CSMD1: variants seen among roughly 807,000 people sequenced by gnomAD.
The protein encoded by CSMD1 is CUB and sushi domain-containing protein 1.
A neutral mutation model predicts 417.5 loss-of-function variants in CSMD1; 213 were observed. The ratio of observed to expected loss-of-function variants is 0.51; its 90% confidence interval spans 0.46 to 0.57. The LOEUF is 0.57. CSMD1 is among the 20% of genes least tolerant of loss of function. The pLI is 0.00. For missense variants in CSMD1, 6,923 were observed against 4,529.7 expected (o/e 1.53, Z -15.17); for synonymous variants, 2,862 against 1,736.8 (o/e 1.65, Z -16.11).
rs1336001589 is a variant in CSMD1 at position 4,660,398 on chromosome 8, A to G, written c.86-22840T>C. 2.0e-5 allele frequency among the ~76,000 whole-genome samples: 3 copies of G among 152,142 alleles called. No homozygotes were observed. The South Asian group carries it at 6.2e-4, about 31-fold the overall frequency. On this transcript the variant is annotated intron_variant, in intron 1 of 69. Coordinates refer to ENST00000635120, the MANE Select transcript of CSMD1 (RefSeq NM_033225.6). ...CCAGAAAACACGAAAGTAATGATTA[A>G]GCAAGATACCATGTCAGAAAAGTAA... is the stretch of plus-strand genomic sequence containing the variant.
At chr8:3,221,485 T>A (rs1328992189) in intron 28 of CSMD1, among the ~76,000 whole-genome samples, 4 of 152,124 alleles carry the variant, frequency 2.6e-5, no homozygotes, top group Non-Finnish European at 4.4e-5. Context: ...TTAATTATCA[T>A]TATTGGTAAT....
At chr8:4,095,509 G>T (rs762777346) in intron 3 of CSMD1, among the ~76,000 whole-genome samples, 1 of 152,206 alleles carries the variant, frequency 6.6e-6, no homozygotes, top group African/African-American at 2.4e-5. Flanking sequence ...GAAGTGGAAA[G>T]AATGTCCCCA....
intron 53 of CSMD1, 27 bp from the exon 54 acceptor site, chr8:2,998,211 G>A (rs1317497461): frequency 6.2e-7 from 1 of 1,609,776 alleles, no homozygotes; most frequent in Non-Finnish European, 8.5e-7. Context: ...CAACGTCATT[G>A]TTAAATATTG....
chr8:4,248,048 C>T (rs1802817872), intron 3 of CSMD1, among the ~76,000 whole-genome samples: 1 of 152,102 alleles, frequency 6.6e-6, no homozygotes, highest in Non-Finnish European at 1.5e-5. Context: ...TATTTATGAT[C>T]ATTTGAATGA....
At chr8:4,873,613 T>C (rs1396002234) in intron 1 of CSMD1, among the ~76,000 whole-genome samples, 2 of 152,142 alleles carry the variant, frequency 1.3e-5, no homozygotes, top group African/African-American at 4.8e-5. Context: ...GAAATCTAAT[T>C]AAGCAATCGA....
At chr8:4,412,187 C>A (rs1243371573) in intron 3 of CSMD1, among the ~76,000 whole-genome samples, 1 of 152,126 alleles carries the variant, frequency 6.6e-6, no homozygotes, top group Admixed American at 6.5e-5. Flanking sequence ...TGTCAACGTG[C>A]AAACCTCATG....
At chr8:4,451,447 A>C (rs1006583) in intron 2 of CSMD1, among the ~76,000 whole-genome samples, 34,225 of 152,140 alleles carry the variant, frequency 0.22, 4,414 homozygotes, top group African/African-American at 0.35. Context: ...AGAAAAGCTT[A>C]TCACTCTCAT....
intron 3 of CSMD1, among the ~76,000 whole-genome samples, chr8:4,224,565 G>A (rs79816983): frequency 1.4e-3 from 210 of 152,260 alleles, no homozygotes; most frequent in African/African-American, 4.9e-3. Context: ...GAAGTCCCAC[G>A]GTGCTTCAGT....
At position 4,147,755 on chromosome 8, in the gene CSMD1, G is replaced by C. The variant is rs914747672; in HGVS notation, c.416-115656C>G. On this transcript the variant is annotated intron_variant, in intron 3 of 69. Transcript: ENST00000635120. The stretch of plus-strand genomic sequence containing the variant: ...CACCTAGGTTAACAACCCCCGGCAA[G>C]CCATGGACTTGCCATGTGAGATCAG... Among the ~76,000 whole-genome samples, 5 of 152,062 alleles carry C rather than the reference G, an allele frequency of 3.3e-5. No homozygotes were observed. The East Asian group carries it at 9.7e-4, about 29-fold the overall frequency.
chr8:3,678,533 T>C (rs973682581), intron 7 of CSMD1, among the ~76,000 whole-genome samples: 4 of 152,116 alleles, frequency 2.6e-5, no homozygotes, highest in African/African-American at 9.7e-5. Flanking sequence ...AATATGGGAC[T>C]ATGTGAAAAG....
intron 2 of CSMD1, among the ~76,000 whole-genome samples, chr8:4,628,437 CACATAT>C (rs1419457706): frequency 1.6e-5 from 1 of 61,212 alleles, no homozygotes; most frequent in Non-Finnish European, 3.8e-5. Flanking sequence ...TACACATATA[CACATAT>C]ATACACATAT....
chr8:2,971,049 T>C (rs2128931792), intron 57 of CSMD1, among the ~76,000 whole-genome samples: 1 of 152,328 alleles, frequency 6.6e-6, no homozygotes, highest in South Asian at 2.1e-4. Flanking sequence ...ACATGACAAC[T>C]CTTTAGAGTT....
At chr8:4,466,072 G>C (rs1237018263) in intron 2 of CSMD1, among the ~76,000 whole-genome samples, 1 of 152,188 alleles carries the variant, frequency 6.6e-6, no homozygotes, top group Non-Finnish European at 1.5e-5. Context: ...AGTCAAACAA[G>C]TTATGGAGAG....
At chr8:3,459,600 A>G (rs1816371805) in intron 12 of CSMD1, among the ~76,000 whole-genome samples, 1 of 152,116 alleles carries the variant, frequency 6.6e-6, no homozygotes, top group Non-Finnish European at 1.5e-5. Flanking sequence ...AATTCAACCA[A>G]TAGCAGCAGA....
chr8:3,710,941 G>A (rs1801473766), intron 6 of CSMD1, among the ~76,000 whole-genome samples: 2 of 152,156 alleles, frequency 1.3e-5, no homozygotes, highest in Non-Finnish European at 2.9e-5. Context: ...CTGGAAGGAG[G>A]AGGGTGAGAT....
chr8:3,985,067 A>C (rs950708255), intron 5 of CSMD1, among the ~76,000 whole-genome samples: 1 of 152,068 alleles, frequency 6.6e-6, no homozygotes, highest in Admixed American at 6.5e-5. Flanking sequence ...TAGCTTTCAA[A>C]AACACTGTGG....
chr8:3,706,849 A>C (rs185534260), intron 7 of CSMD1, among the ~76,000 whole-genome samples: 1 of 152,200 alleles, frequency 6.6e-6, no homozygotes, highest in East Asian at 1.9e-4. Flanking sequence ...TTAAAATTTT[A>C]TTTTTAAAAA....
intron 5 of CSMD1, among the ~76,000 whole-genome samples, chr8:3,942,395 A>C (rs1810942721): frequency 6.6e-6 from 1 of 152,244 alleles, no homozygotes; most frequent in South Asian, 2.1e-4. Context: ...CCTTTTCTCA[A>C]AGTGACACTG....
At chr8:3,340,448 T>A (rs371430216) in intron 23 of CSMD1, among the ~76,000 whole-genome samples, 107 of 152,334 alleles carry the variant, frequency 7.0e-4, no homozygotes, top group African/African-American at 2.5e-3. Context: ...TACTCATGTA[T>A]ATGCATTAAT....
Sources: gnomAD v4.1 joint callset for allele counts (sites outside exome capture counted in the v4.1 genomes callset) on GRCh38, gnomAD v4.1.1 for gene constraint, MANE v1.5 for transcripts, NCBI Gene and HGNC (gene_info 2026-07-23, HGNC 2026-07-21) for gene names.